The following GALNT17 variants were observed in gnomAD, a reference collection of about 807,000 sequenced individuals.
The protein encoded by GALNT17 is UDP-GalNAc:polypeptide N-acetylgalactosaminyltransferase-like 3.
GALNT17 carries 29 observed loss-of-function variants against 63.7 expected under a neutral mutation model. The observed-to-expected ratio is 0.46, with a 90% CI of 0.34 to 0.62. GALNT17 has a LOEUF of 0.62. Among genes scored for constraint, GALNT17 ranks in the 20% least tolerant of loss-of-function variants. GALNT17 has a pLI of 0.01. For synonymous variants in GALNT17, 305 were observed against 318.3 expected, an observed-to-expected ratio of 0.96 and a Z score of 0.45; for missense variants, 603 against 799.6, an observed-to-expected ratio of 0.75 and a Z score of 2.97.
intron 6 of GALNT17, among the ~76,000 whole-genome samples, chr7:71,607,046 C>T (rs188410989): frequency 1.3e-5 from 2 of 152,242 alleles, no homozygotes; most frequent in African/African-American, 4.8e-5. Context: ...TTGGCTCACA[C>T]CTGTAATCCC....
At chr7:71,550,964 T>C (rs890770942) in intron 5 of GALNT17, among the ~76,000 whole-genome samples, 14 of 152,252 alleles carry the variant, frequency 9.2e-5, no homozygotes, top group African/African-American at 3.4e-4. Flanking sequence ...TTTGTTCTGC[T>C]TGAGATTTGT....
intron 1 of GALNT17, among the ~76,000 whole-genome samples, chr7:71,295,529 C>G (rs1791062626): frequency 6.6e-6 from 1 of 151,530 alleles, no homozygotes; most frequent in South Asian, 2.1e-4. Context: ...TCTCTCCCTT[C>G]CTTCCTTTCC....
chr7:71,217,094 G>A (rs886130986), intron 1 of GALNT17, among the ~76,000 whole-genome samples: 5 of 151,188 alleles, frequency 3.3e-5, no homozygotes, highest in Admixed American at 6.6e-5. Context: ...CTCCTGAGTA[G>A]CTGGGACTAT....
intron 5 of GALNT17, among the ~76,000 whole-genome samples, chr7:71,461,297 A>G (rs1464279858): frequency 2.6e-5 from 4 of 152,218 alleles, no homozygotes; most frequent in Non-Finnish European, 5.9e-5. Flanking sequence ...ATGTTAGAAA[A>G]CACTTTTAAA....
At chr7:71,508,188 T>G (rs4442007) in intron 5 of GALNT17, among the ~76,000 whole-genome samples, 98,031 of 151,988 alleles carry the variant, frequency 0.64, 32,349 homozygotes, top group Non-Finnish European at 0.73. Context: ...GGGGGAATTT[T>G]TAGAGCCAGA....
intron 5 of GALNT17, among the ~76,000 whole-genome samples, chr7:71,488,545 T>A (rs1787950858): frequency 6.6e-6 from 1 of 150,382 alleles, no homozygotes; most frequent in Admixed American, 6.6e-5. Context: ...CCCCAGATAT[T>A]CCCACTGGGC....
At chr7:71,212,258 G>A (rs1789394756) in intron 1 of GALNT17, among the ~76,000 whole-genome samples, 1 of 152,238 alleles carries the variant, frequency 6.6e-6, no homozygotes, top group Admixed American at 6.5e-5. Context: ...GCTTTGGAAG[G>A]TGGAAGCCCC....
chr7:71,478,911 G>T (rs1232340048), intron 5 of GALNT17, among the ~76,000 whole-genome samples: 1 of 152,180 alleles, frequency 6.6e-6, no homozygotes, highest in Non-Finnish European at 1.5e-5. Context: ...ACCCTCTTTT[G>T]ATAAATCCCT....
chr7:71,526,712 G>T (rs560245631), intron 5 of GALNT17, among the ~76,000 whole-genome samples: 144 of 151,890 alleles, frequency 9.5e-4, no homozygotes, highest in African/African-American at 3.3e-3. Flanking sequence ...TAGAGACAGG[G>T]TTTCACCATG....
intron 5 of GALNT17, among the ~76,000 whole-genome samples, chr7:71,522,083 C>T (rs1267686904): frequency 6.6e-6 from 1 of 152,098 alleles, no homozygotes; most frequent in African/African-American, 2.4e-5. Flanking sequence ...CCCTAATGTT[C>T]CATCTAATGC....
rs1252325922 is a variant in GALNT17 at position 71,712,215 on chromosome 7, C to A, written c.*69C>A. On this transcript the variant is annotated 3_prime_UTR_variant, in exon 11 of 11. Coordinates refer to ENST00000333538, the MANE Select transcript of GALNT17 (RefSeq NM_022479.3). Reference sequence around the variant, plus strand: ...CTGCTCCCCCCAACATCTGGACCAGCTGCCCTGGCGGAGAGACAGCAAGGG... The same window carrying A: ...CTGCTCCCCCCAACATCTGGACCAGATGCCCTGGCGGAGAGACAGCAAGGG... 18 of 1,565,388 alleles carry A rather than the reference C, an allele frequency of 1.1e-5. No individual in the cohort carries two copies. The Admixed American group carries it at 3.4e-4, about 30-fold the overall frequency.
chr7:71,682,262 G>C (rs116523474), intron 9 of GALNT17, among the ~76,000 whole-genome samples: 1 of 152,074 alleles, frequency 6.6e-6, no homozygotes, highest in Non-Finnish European at 1.5e-5. Context: ...CAGGAAGCAC[G>C]TGGGTGAACC....
chr7:71,287,236 T>C (rs60795132), intron 1 of GALNT17, among the ~76,000 whole-genome samples: 4,321 of 152,064 alleles, frequency 0.028, 193 homozygotes, highest in African/African-American at 0.097. Flanking sequence ...ACTACAGGCA[T>C]TGTGCCACCA....
At chr7:71,292,174 T>C (rs1428278756) in intron 1 of GALNT17, among the ~76,000 whole-genome samples, 1 of 152,196 alleles carries the variant, frequency 6.6e-6, no homozygotes, top group Non-Finnish European at 1.5e-5. Context: ...AACAGCTGAA[T>C]TAACAAGTCT....
At chr7:71,228,971 T>C (rs1562932073) in intron 1 of GALNT17, among the ~76,000 whole-genome samples, 1 of 152,180 alleles carries the variant, frequency 6.6e-6, no homozygotes, top group Non-Finnish European at 1.5e-5. Context: ...TTGCAGGCTG[T>C]TCAGTTCCCC....
At chr7:71,682,433 T>A (rs1048317021) in intron 9 of GALNT17, among the ~76,000 whole-genome samples, 4 of 152,154 alleles carry the variant, frequency 2.6e-5, no homozygotes, top group Non-Finnish European at 5.9e-5. Flanking sequence ...GTCTGGAGCC[T>A]TTATTCCTCT....
At chr7:71,191,050 G>A (rs950191378) in intron 1 of GALNT17, among the ~76,000 whole-genome samples, 3 of 152,220 alleles carry the variant, frequency 2.0e-5, no homozygotes, top group Non-Finnish European at 2.9e-5. Flanking sequence ...TTTTTTGGGG[G>A]TTTTAAAATT....
chr7:71,196,700 G>A (rs374305794), intron 1 of GALNT17, among the ~76,000 whole-genome samples: 6 of 152,018 alleles, frequency 3.9e-5, no homozygotes, highest in South Asian at 4.2e-4. Flanking sequence ...GTGCAGTGGC[G>A]TGATCTTGGT....
intron 1 of GALNT17, among the ~76,000 whole-genome samples, chr7:71,135,570 G>C (rs1455447706): frequency 6.6e-6 from 1 of 152,178 alleles, no homozygotes; most frequent in Non-Finnish European, 1.5e-5. Context: ...CCAGTGTCTT[G>C]ATCTTCAGCA....
Sources: allele counts gnomAD v4.1 joint callset (sites outside exome capture counted in the v4.1 genomes callset), GRCh38; gene constraint gnomAD v4.1.1; transcripts MANE v1.5; gene names NCBI Gene and HGNC (gene_info 2026-07-23, HGNC 2026-07-21).